The following SNTG1 variants were observed in gnomAD, a reference collection of about 807,000 sequenced individuals.
SNTG1 encodes the protein syntrophin gamma 1.
In SNTG1, 39 loss-of-function variants were observed where a neutral mutation model predicts 74.7. The observed-to-expected ratio is 0.52, with a 90% CI of 0.40 to 0.68. SNTG1 has a LOEUF of 0.68. SNTG1 is among the 30% of genes least tolerant of loss of function. SNTG1 has a pLI of 0.00. For synonymous variants in SNTG1, 254 were observed against 217.1 expected (o/e 1.17, Z -1.49); for missense variants, 685 against 609.5 (o/e 1.12, Z -1.30).
At chr8:50,441,024 C>G (rs2093353347) in intron 5 of SNTG1, among the ~76,000 whole-genome samples, 1 of 152,216 alleles carries the variant, frequency 6.6e-6, no homozygotes, top group Admixed American at 6.5e-5. Flanking sequence ...CTTGACAGAT[C>G]TTGGCTTGGG....
intron 17 of SNTG1, among the ~76,000 whole-genome samples, chr8:50,716,644 G>A (rs1338977132): frequency 6.6e-6 from 1 of 151,636 alleles, no homozygotes; most frequent in Non-Finnish European, 1.5e-5. Flanking sequence ...AAACAAAAAA[G>A]TATTTTGAAT....
At chr8:50,160,478 C>A (rs1295316243) in intron 1 of SNTG1, among the ~76,000 whole-genome samples, 2 of 152,108 alleles carry the variant, frequency 1.3e-5, no homozygotes, top group Admixed American at 1.3e-4. Context: ...TAAGATTAGT[C>A]CTCATCACTT....
At chr8:50,471,482 T>C (rs2093654316) in intron 8 of SNTG1, among the ~76,000 whole-genome samples, 1 of 152,158 alleles carries the variant, frequency 6.6e-6, no homozygotes, top group African/African-American at 2.4e-5. Context: ...CTGGCAAAGA[T>C]GCAAAGCAGC....
At chr8:50,523,610 T>A (rs946500630) in intron 9 of SNTG1, among the ~76,000 whole-genome samples, 3 of 152,162 alleles carry the variant, frequency 2.0e-5, no homozygotes, top group African/African-American at 7.2e-5. Flanking sequence ...CATTTATTCA[T>A]TAAGTTCCTT....
rs931178163 is a variant in SNTG1, at chr8:50,631,660, T to C, written c.850-25249T>C. On this transcript the variant is annotated intron_variant, in intron 13 of 18. Transcript: ENST00000642720. ...AAATAATCCATTGATAGGACAACTG[T>C]TGTATTCTGCTTCCTTTATTACTTC... 2.0e-4 allele frequency among the ~76,000 whole-genome samples: 31 copies of C among 152,188 alleles called. 1 individual carries two copies. Among genetic ancestry groups the C allele is most frequent in the Admixed American group, 2.0e-3 (31 of 15,278 alleles).
At position 50,477,585 on chromosome 8, in the gene SNTG1, G is replaced by T. The variant is rs563311226; in HGVS notation, c.364-25193G>T. Among the ~76,000 whole-genome samples, 12 of 152,212 alleles carry T rather than the reference G, an allele frequency of 7.9e-5. No individual in the cohort carries two copies. The East Asian group carries it at 2.3e-3, about 29-fold the overall frequency. Reference sequence around the variant, plus strand: ...ATGTAATATCCTGGATGAGATCCTGGAACTAGAATAAAGACATTAGGGGAA... The same window carrying T: ...ATGTAATATCCTGGATGAGATCCTGTAACTAGAATAAAGACATTAGGGGAA... On this transcript the variant is annotated intron_variant, in intron 8 of 18. Transcript: ENST00000642720.
intron 13 of SNTG1, among the ~76,000 whole-genome samples, chr8:50,607,800 G>GTAACAT (rs1298935059): frequency 2.6e-5 from 4 of 151,374 alleles, no homozygotes; most frequent in Non-Finnish European, 5.9e-5. Context: ...TTATTGAAAT[G>GTAACAT]TAACATAAGT....
chr8:50,540,391 G>T (rs986010851), intron 11 of SNTG1, among the ~76,000 whole-genome samples: 1 of 151,894 alleles, frequency 6.6e-6, no homozygotes, highest in African/African-American at 2.4e-5. Flanking sequence ...TTTGATATTT[G>T]TTGAGGCTTG....
chr8:49,969,687 A>G (rs1056850956), intron 1 of SNTG1, among the ~76,000 whole-genome samples: 1 of 152,018 alleles, frequency 6.6e-6, no homozygotes, highest in African/African-American at 2.4e-5. Context: ...GTGAGTCACC[A>G]TGCCTCGCCA....
At chr8:49,955,516 C>T (rs1467627223) in intron 1 of SNTG1, among the ~76,000 whole-genome samples, 5 of 152,216 alleles carry the variant, frequency 3.3e-5, no homozygotes, top group Non-Finnish European at 7.3e-5. Flanking sequence ...GTTACAAATC[C>T]ACTGGGAGTA....
intron 17 of SNTG1, among the ~76,000 whole-genome samples, chr8:50,744,447 C>T (rs1024841590): frequency 1.3e-5 from 2 of 151,818 alleles, no homozygotes; most frequent in African/African-American, 4.8e-5. Context: ...AAACAACATC[C>T]TGTGTTTATG....
intron 8 of SNTG1, among the ~76,000 whole-genome samples, chr8:50,479,501 C>G (rs1025194130): frequency 6.6e-6 from 1 of 152,140 alleles, no homozygotes; most frequent in African/African-American, 2.4e-5. Flanking sequence ...TTCTCGGTTT[C>G]TTTCTTTTCC....
At chr8:49,919,205 G>T (rs1389882234) in intron 1 of SNTG1, among the ~76,000 whole-genome samples, 1 of 151,942 alleles carries the variant, frequency 6.6e-6, no homozygotes, top group Non-Finnish European at 1.5e-5. Context: ...CCCAAATCCA[G>T]TTCACTTCCT....
chr8:49,927,006 G>A (rs986764910), intron 1 of SNTG1, among the ~76,000 whole-genome samples: 2 of 152,110 alleles, frequency 1.3e-5, no homozygotes, highest in African/African-American at 4.8e-5. Flanking sequence ...AACACCTTAT[G>A]TCATTAATAA....
chr8:50,120,084 A>G lies in SNTG1; in HGVS notation c.-102-52477A>G, dbSNP rs554206030. Reference sequence around the variant, plus strand: ...TAGCTTTGCCATTTACCTTGGACACATTGCATAACATCTGTCTTGTTATTT... The same window carrying G: ...TAGCTTTGCCATTTACCTTGGACACGTTGCATAACATCTGTCTTGTTATTT... On this transcript the variant is annotated intron_variant, in intron 1 of 18. Coordinates refer to ENST00000642720, the MANE Select transcript of SNTG1 (RefSeq NM_018967.5). Among the ~76,000 whole-genome samples the G allele has an allele frequency of 5.6e-4, 80 of 141,886 alleles. 9 individuals are homozygous for G. The highest frequency in any genetic ancestry group is 1.9e-3 in the African/African-American group (75 of 39,400). The allele number at this position is 141,886 out of a possible 152,430, so 93.1% of individuals were successfully genotyped here.
chr8:50,158,588 A>G (rs562093318), intron 1 of SNTG1, among the ~76,000 whole-genome samples: 256 of 152,324 alleles, frequency 1.7e-3, no homozygotes, highest in African/African-American at 5.9e-3. Context: ...CTATGCAATT[A>G]TTGAATACCT....
chr8:50,069,902 C>CTG (rs1472171358), intron 1 of SNTG1, among the ~76,000 whole-genome samples: 1 of 152,014 alleles, frequency 6.6e-6, no homozygotes, highest in South Asian at 2.1e-4. Flanking sequence ...TCGGACTCCC[C>CTG]TGGGGCTGGT....
intron 2 of SNTG1, among the ~76,000 whole-genome samples, chr8:50,235,922 A>T (rs970311596): frequency 6.6e-6 from 1 of 152,246 alleles, no homozygotes; most frequent in East Asian, 1.9e-4. Flanking sequence ...TTAAATTTAA[A>T]GTAGATAATA....
At chr8:50,771,624 A>C (rs2095627387) in intron 18 of SNTG1, among the ~76,000 whole-genome samples, 1 of 147,734 alleles carries the variant, frequency 6.8e-6, no homozygotes, top group Non-Finnish European at 1.5e-5. Context: ...TAGTTGCTAA[A>C]GAGATTAGCA....
Sources: gnomAD v4.1 joint callset for allele counts (sites outside exome capture counted in the v4.1 genomes callset) on GRCh38, gnomAD v4.1.1 for gene constraint, MANE v1.5 for transcripts, NCBI Gene and HGNC (gene_info 2026-07-23, HGNC 2026-07-21) for gene names.